Variants in MAML3 observed in about 807,000 individuals in gnomAD.
The protein encoded by MAML3 is mastermind-like protein 3.
MAML3 carries 27 observed loss-of-function variants against 101.9 expected under a neutral mutation model. The ratio of observed to expected loss-of-function variants is 0.27; its 90% CI spans 0.20 to 0.37. The LOEUF is 0.37. MAML3 is among the 10% of genes least tolerant of loss of function. The probability of loss-of-function intolerance (pLI) is 1.00; values close to 1 mark genes in which losing one functional copy is unlikely to be tolerated. For missense variants in MAML3, 1,316 were observed against 1,444.9 expected (o/e 0.91, Z 1.45); for synonymous variants, 501 against 555.9 (o/e 0.90, Z 1.39).
intron 1 of MAML3, 82 bp downstream of exon 1, chr4:140,152,778 C>A: frequency 6.5e-7 from 1 of 1,548,382 alleles, no homozygotes; most frequent in Non-Finnish European, 8.7e-7. Flanking sequence ...CCTTGTACCC[C>A]CATGTAAGAA....
rs981870614 is a variant in MAML3, at chr4:139,812,899, T to G, written c.2079+76458A>C. On this transcript the variant is annotated intron_variant, in intron 2 of 4. Transcript: ENST00000509479. ...AAAATGCAGACTCCGAATAAATAAA[T>G]ACAGAGAAGAGAGAAAGTAGAAAAT... Among the ~76,000 whole-genome samples, 3 of 119,280 alleles carry G rather than the reference T, an allele frequency of 2.5e-5. No homozygotes were observed. The Admixed American group carries it at 2.7e-4, about 11-fold the overall frequency. 78.3% of individuals were successfully genotyped at this position (119,280 alleles called of 152,430 possible).
intron 1 of MAML3, among the ~76,000 whole-genome samples, chr4:140,124,354 G>A (rs1019105463): frequency 1.3e-5 from 2 of 152,160 alleles, no homozygotes; most frequent in African/African-American, 4.8e-5. Flanking sequence ...GCCCAAGACA[G>A]AGCCATACTG....
In MAML3 at chr4:140,122,203, G is replaced by A. The variant is rs530674911; in HGVS notation, c.468+30657C>T. Among the ~76,000 whole-genome samples the A allele has an allele frequency of 1.7e-3, 255 of 147,906 alleles. 1 individual carries two copies. The highest frequency in any genetic ancestry group is 3.0e-3 in the Admixed American group (44 of 14,720). On this transcript the variant is annotated intron_variant, in intron 1 of 4. Coordinates refer to ENST00000509479, the MANE Select transcript of MAML3 (RefSeq NM_018717.5). The stretch of plus-strand genomic sequence containing the variant: ...AGGTGAGAAATTGATTCTTCTCACA[G>A]GAATAATCAAACGAGACTTTTTTTT...
intron 2 of MAML3, among the ~76,000 whole-genome samples, chr4:139,875,156 C>G (rs1328771454): frequency 6.6e-6 from 1 of 152,014 alleles, no homozygotes; most frequent in Admixed American, 6.6e-5. Flanking sequence ...TTATATAACC[C>G]GCCCAAGGTC....
chr4:139,911,835 T>C (rs914224296), intron 1 of MAML3, among the ~76,000 whole-genome samples: 1 of 152,216 alleles, frequency 6.6e-6, no homozygotes, highest in Non-Finnish European at 1.5e-5. Flanking sequence ...TGATCTTGGA[T>C]TTCCCAGCCC....
At chr4:139,805,106 A>G (rs962135523) in intron 2 of MAML3, among the ~76,000 whole-genome samples, 2 of 152,068 alleles carry the variant, frequency 1.3e-5, no homozygotes, top group African/African-American at 4.8e-5. Context: ...TTGATTTGTA[A>G]CCGGGAGGCG....
chr4:139,798,034 G>GAGAGAGAGAAAGAA (rs1308897622), intron 2 of MAML3, among the ~76,000 whole-genome samples: 3 of 124,582 alleles, frequency 2.4e-5, no homozygotes, highest in South Asian at 6.0e-4. Context: ...AGGAGAGAGA[G>GAGAGAGAGAAAGAA]AGAAAGAAAG....
chr4:140,017,719 A>G lies in MAML3; in HGVS notation c.469-126752T>C, dbSNP rs1726664243. 2.3e-5 allele frequency among the ~76,000 whole-genome samples: 3 copies of G among 133,204 alleles called. No individual in the cohort carries two copies. In the South Asian group the frequency reaches 7.2e-4, roughly 32 times the overall value. 87.4% of individuals were successfully genotyped at this position (133,204 alleles called of 152,430 possible). On this transcript the variant is annotated intron_variant, in intron 1 of 4. Coordinates refer to ENST00000509479, the MANE Select transcript of MAML3 (RefSeq NM_018717.5). ...GTTTACAGTATGTGATTCTGTTTAT[A>G]TAACATTCTTGAAATGACAAAATTA...
intron 1 of MAML3, among the ~76,000 whole-genome samples, chr4:140,060,122 T>C (rs1416881604): frequency 6.6e-6 from 1 of 151,842 alleles, no homozygotes; most frequent in African/African-American, 2.4e-5. Flanking sequence ...TCCCAGCACT[T>C]TGGGAGGCTG....
intron 2 of MAML3, among the ~76,000 whole-genome samples, chr4:139,772,064 C>T (rs1285719108): frequency 1.3e-5 from 2 of 149,040 alleles, no homozygotes; most frequent in African/African-American, 2.5e-5. Flanking sequence ...ACGGTGAAAC[C>T]CCCGTCTCTA....
At chr4:140,087,714 A>G (rs1727975777) in intron 1 of MAML3, among the ~76,000 whole-genome samples, 1 of 152,186 alleles carries the variant, frequency 6.6e-6, no homozygotes, top group Admixed American at 6.6e-5. Flanking sequence ...GAGGGTGTGT[A>G]CTTTTCAGGG....
chr4:139,817,480 G>T (rs570033229), intron 2 of MAML3, among the ~76,000 whole-genome samples: 11 of 152,146 alleles, frequency 7.2e-5, no homozygotes, highest in Non-Finnish European at 1.5e-4. Flanking sequence ...TCATAAGCCA[G>T]AAACCTAGGT....
chr4:140,149,755 C>T (rs1729124360), intron 1 of MAML3, among the ~76,000 whole-genome samples: 1 of 152,108 alleles, frequency 6.6e-6, no homozygotes, highest in African/African-American at 2.4e-5. Context: ...TTGTTCTGTG[C>T]CTCACTGGAG....
At chr4:140,090,328 T>C (rs1419551123) in intron 1 of MAML3, among the ~76,000 whole-genome samples, 1 of 152,212 alleles carries the variant, frequency 6.6e-6, no homozygotes, top group African/African-American at 2.4e-5. Context: ...GTGGCCTTCA[T>C]GGAATGTTAG....
At chr4:139,876,934 T>A (rs1359201089) in intron 2 of MAML3, among the ~76,000 whole-genome samples, 1 of 152,176 alleles carries the variant, frequency 6.6e-6, no homozygotes, top group Non-Finnish European at 1.5e-5. Context: ...CATTAAAACA[T>A]CCTTTGTATG....
chr4:140,069,438 GA>G lies in MAML3; in HGVS notation c.468+83421del, dbSNP rs1381722489. ...GGAGGAGGGGAAGGAGGAGAAGGAG[GA>G]GAAGGAGGAGAAGGAGGAGAAGGAG... On this transcript the variant is annotated intron_variant, in intron 1 of 4. Transcript: ENST00000509479. Among the ~76,000 whole-genome samples, 134 of 117,868 alleles carry G rather than the reference GA, an allele frequency of 1.1e-3. 5 individuals carry two copies. Among genetic ancestry groups the G allele is most frequent in the Middle Eastern group, 5.8e-3 (1 of 172 alleles). 77.3% of individuals were successfully genotyped at this position (117,868 alleles called of 152,430 possible).
chr4:139,860,352 A>G (rs759031794), intron 2 of MAML3, among the ~76,000 whole-genome samples: 6 of 152,230 alleles, frequency 3.9e-5, no homozygotes, highest in Non-Finnish European at 8.8e-5. Flanking sequence ...ATCTTCCAGA[A>G]AGTTCTCCAT....
intron 1 of MAML3, among the ~76,000 whole-genome samples, chr4:139,938,544 G>C (rs1475067441): frequency 6.6e-6 from 1 of 152,164 alleles, no homozygotes; most frequent in East Asian, 1.9e-4. Context: ...TATCATAATA[G>C]TGCCTGGGTG....
intron 1 of MAML3, among the ~76,000 whole-genome samples, chr4:140,010,873 C>T (rs1394586741): frequency 1.3e-5 from 2 of 151,920 alleles, no homozygotes; most frequent in Non-Finnish European, 2.9e-5. Flanking sequence ...GAGGCCGAGG[C>T]AGGCAGATCA....
Sources: allele counts gnomAD v4.1 joint callset (sites outside exome capture counted in the v4.1 genomes callset), GRCh38; gene constraint gnomAD v4.1.1; transcripts MANE v1.5; gene names NCBI Gene and HGNC (gene_info 2026-07-23, HGNC 2026-07-21).